TRPC4: variants seen among roughly 807,000 people sequenced by gnomAD.
The protein encoded by TRPC4 is transient receptor potential cation channel subfamily C member 4, also known as short transient receptor potential channel 4.
A neutral mutation model predicts 99.4 loss-of-function variants in TRPC4; 49 were observed. The ratio of observed to expected loss-of-function variants is 0.49; its 90% CI spans 0.39 to 0.63. TRPC4 has a LOEUF of 0.63. Ranked by LOEUF, TRPC4 falls within the 20% of genes least tolerant of loss-of-function variation. The pLI, the probability that TRPC4 is intolerant of heterozygous loss-of-function variation, is 0.00. For synonymous variants in TRPC4, 454 were observed against 425.9 expected, an observed-to-expected ratio of 1.07 and a Z score of -0.81; for missense variants, 898 against 1,152.9, an observed-to-expected ratio of 0.78 and a Z score of 3.20.
At chr13:37,846,257 G>T (rs979615670) in intron 1 of TRPC4, among the ~76,000 whole-genome samples, 1 of 152,028 alleles carries the variant, frequency 6.6e-6, no homozygotes, top group Admixed American at 6.6e-5. Flanking sequence ...AATCCCAATG[G>T]TAGAAGTAAT....
chr13:37,649,863 A>G (rs1241120552), intron 8 of TRPC4, among the ~76,000 whole-genome samples: 2 of 152,110 alleles, frequency 1.3e-5, no homozygotes, highest in Admixed American at 6.6e-5. Flanking sequence ...GTCAGTGATA[A>G]AGTTCATAAA....
chr13:37,751,696 C>T (rs1055571612), intron 2 of TRPC4, among the ~76,000 whole-genome samples: 1 of 151,880 alleles, frequency 6.6e-6, no homozygotes, highest in Non-Finnish European at 1.5e-5. Flanking sequence ...ATTGAATCAA[C>T]AAATATTTAC....
intron 4 of TRPC4, among the ~76,000 whole-genome samples, chr13:37,682,690 G>A (rs1047961058): frequency 6.6e-6 from 1 of 152,138 alleles, no homozygotes; most frequent in African/African-American, 2.4e-5. Flanking sequence ...GTAGACCTGG[G>A]GAGACAGATA....
chr13:37,646,831 A>G (rs1951872890), intron 8 of TRPC4, among the ~76,000 whole-genome samples: 4 of 152,222 alleles, frequency 2.6e-5, no homozygotes, highest in Non-Finnish European at 5.9e-5. Context: ...TATGTTTCTT[A>G]TTTGGATAGG....
At chr13:37,823,992 T>C (rs9603262) in intron 1 of TRPC4, among the ~76,000 whole-genome samples, 59,644 of 114,218 alleles carry the variant, frequency 0.52, 18,495 homozygotes, top group African/African-American at 0.7. Context: ...CTTCACATCG[T>C]TTGTAAGTTG....
intron 2 of TRPC4, among the ~76,000 whole-genome samples, chr13:37,781,438 G>A (rs999568276): frequency 5.3e-5 from 8 of 152,150 alleles, no homozygotes; most frequent in African/African-American, 1.9e-4. Flanking sequence ...GGAGACTTAA[G>A]TAGTAGCACC....
intron 1 of TRPC4, among the ~76,000 whole-genome samples, chr13:37,809,119 C>A (rs914105594): frequency 6.6e-6 from 1 of 152,018 alleles, no homozygotes; most frequent in Non-Finnish European, 1.5e-5. Context: ...GACAACTTTC[C>A]TCAAACTCTA....
In TRPC4 at chr13:37,668,520, G is replaced by A. The variant is rs7991848; in HGVS notation, c.1375-4791C>T. On this transcript the variant is annotated intron_variant, in intron 5 of 10. Coordinates refer to ENST00000379705, the MANE Select transcript of TRPC4 (RefSeq NM_016179.4). ...TATCTTGACACAGATGTAACACAGAGGATTTGGGAACAGTGAGATGAGTAT... is the reference window on the plus strand; with the variant it reads ...TATCTTGACACAGATGTAACACAGAAGATTTGGGAACAGTGAGATGAGTAT... Among the ~76,000 whole-genome samples the A allele has an allele frequency of 3.4e-3, 511 of 152,296 alleles. 3 individuals carry two copies. Among genetic ancestry groups the A allele is most frequent in the African/African-American group, 0.012 (487 of 41,572 alleles).
intron 1 of TRPC4, among the ~76,000 whole-genome samples, chr13:37,800,504 T>C (rs1349093981): frequency 3.9e-5 from 6 of 152,214 alleles, no homozygotes; most frequent in Admixed American, 1.3e-4. Flanking sequence ...TCCCATAGTA[T>C]GCATTTAGTA....
At chr13:37,864,887 G>T (rs1195963821) in intron 1 of TRPC4, among the ~76,000 whole-genome samples, 1 of 151,740 alleles carries the variant, frequency 6.6e-6, no homozygotes, top group Non-Finnish European at 1.5e-5. Context: ...TCTAGACAGA[G>T]GGAGCTTTGC....
At chr13:37,708,838 T>C (rs892865407) in intron 3 of TRPC4, among the ~76,000 whole-genome samples, 1 of 151,860 alleles carries the variant, frequency 6.6e-6, no homozygotes, top group Non-Finnish European at 1.5e-5. Context: ...TACTTCCTTT[T>C]TCCTTCTCCG....
intron 1 of TRPC4, among the ~76,000 whole-genome samples, chr13:37,830,589 G>C (rs1257239989): frequency 6.6e-6 from 1 of 151,372 alleles, no homozygotes; most frequent in Non-Finnish European, 1.5e-5. Flanking sequence ...GTGCATGCCT[G>C]TAATCCCAGA....
chr13:37,751,504 A>G (rs1337054886), intron 2 of TRPC4, among the ~76,000 whole-genome samples: 1 of 152,122 alleles, frequency 6.6e-6, no homozygotes, highest in Non-Finnish European at 1.5e-5. Flanking sequence ...CCCTATGGTT[A>G]CTAGAAAATT....
chr13:37,759,023 T>C (rs1023180873), intron 2 of TRPC4, among the ~76,000 whole-genome samples: 15 of 151,658 alleles, frequency 9.9e-5, no homozygotes, highest in Non-Finnish European at 1.6e-4. Context: ...TATGAAGGAA[T>C]ATATATCCAA....
intron 2 of TRPC4, among the ~76,000 whole-genome samples, chr13:37,775,253 C>T (rs1463845086): frequency 1.3e-5 from 2 of 151,610 alleles, no homozygotes; most frequent in Non-Finnish European, 2.9e-5. Context: ...ATATAAAGTG[C>T]TTTAGGGTAA....
chr13:37,639,365 T>G (rs1193892392), intron 8 of TRPC4, 66 bp from the exon 9 acceptor site: 11 of 1,472,998 alleles, frequency 7.5e-6, no homozygotes, highest in African/African-American at 1.4e-5. Context: ...AAATAATTTA[T>G]TTTTTTAATC....
chr13:37,751,679 T>C (rs1363088396), intron 2 of TRPC4, among the ~76,000 whole-genome samples: 1 of 152,128 alleles, frequency 6.6e-6, no homozygotes. Flanking sequence ...CAATAATTTA[T>C]TCATATATTG....
intron 6 of TRPC4, among the ~76,000 whole-genome samples, chr13:37,658,224 C>T (rs1952308405): frequency 6.6e-6 from 1 of 152,068 alleles, no homozygotes; most frequent in South Asian, 2.1e-4. Flanking sequence ...GATAATGCTA[C>T]AATTTAATTA....
chr13:37,788,067 G>A (rs1957017057), intron 1 of TRPC4, among the ~76,000 whole-genome samples: 1 of 151,996 alleles, frequency 6.6e-6, no homozygotes, highest in African/African-American at 2.4e-5. Flanking sequence ...AATAGTCAAA[G>A]TTTGAAACTC....
Sources: gnomAD v4.1 joint callset for allele counts (sites outside exome capture counted in the v4.1 genomes callset) on GRCh38, gnomAD v4.1.1 for gene constraint, MANE v1.5 for transcripts, NCBI Gene and HGNC (gene_info 2026-07-23, HGNC 2026-07-21) for gene names.